Variants in CAST observed in about 807,000 individuals in gnomAD.
CAST encodes calpastatin, also known as MIR583 host.
In CAST, 76 loss-of-function variants were observed where a neutral mutation model predicts 119.6. The observed-to-expected ratio is 0.64, with a 90% CI of 0.53 to 0.77. The LOEUF is 0.77. CAST is among the 30% of genes least tolerant of loss of function. The pLI is 0.00. For missense variants in CAST, 953 were observed against 946.5 expected (o/e 1.01, Z -0.09); for synonymous variants, 319 against 331.6 (o/e 0.96, Z 0.41).
At position 96,757,307 on chromosome 5, in the gene CAST, C is replaced by T. The variant is rs2290676; in HGVS notation, c.1711-137C>T. ...GAGCATATTCTCTGGTGAGAGAATC[C>T]TTCGTGACATGATGGATCTAATTTA... On this transcript the variant is annotated intron_variant, in intron 22 of 31. Coordinates refer to ENST00000675179, the MANE Select transcript of CAST (RefSeq NM_001750.7). 63,355 of 820,610 alleles carry T rather than the reference C, an allele frequency of 0.077. 2,997 individuals carry two copies. The highest frequency in any genetic ancestry group is 0.15 in the African/African-American group (8,819 of 58,322). 50.8% of individuals were successfully genotyped at this position (820,610 alleles called of 1,614,324 possible). A position where few individuals can be genotyped will look rare whatever the true frequency, so the allele number is the denominator to read the frequency against.
At chr5:96,669,474 A>G (rs1749783392) in intron 1 of CAST, among the ~76,000 whole-genome samples, 1 of 152,286 alleles carries the variant, frequency 6.6e-6, no homozygotes, top group East Asian at 1.9e-4. Flanking sequence ...CACATCTAGG[A>G]AAAAAAGGAT....
At chr5:96,109,400 A>T in the CAST span, among the ~76,000 whole-genome samples, 1 of 152,210 alleles carries the variant, frequency 6.6e-6, no homozygotes, top group Non-Finnish European at 1.5e-5. Context: ...TCCAAAACCA[A>T]ATTGTGTAAT....
At chr5:96,602,316 T>C (rs550586848) in intron 1 of CAST, among the ~76,000 whole-genome samples, 3 of 152,350 alleles carry the variant, frequency 2.0e-5, no homozygotes, top group Admixed American at 2.0e-4. Flanking sequence ...ACATTTCTAC[T>C]ATGTGCTGGT....
chr5:96,584,271 G>C (rs922100330), intron 1 of CAST, among the ~76,000 whole-genome samples: 2 of 152,170 alleles, frequency 1.3e-5, no homozygotes, highest in Non-Finnish European at 2.9e-5. Flanking sequence ...ACCTAACGCC[G>C]ATGATGATCT....
chr5:96,213,347 T>C, the CAST span: 1 of 152,220 alleles, frequency 6.6e-6, no homozygotes, highest in Admixed American at 6.5e-5. Flanking sequence ...GTCATGTTTT[T>C]AATATGTTCT....
chr5:96,254,235 C>T, the CAST span, among the ~76,000 whole-genome samples: 1 of 152,058 alleles, frequency 6.6e-6, no homozygotes, highest in African/African-American at 2.4e-5. Context: ...CTGACCTACT[C>T]CTCTTACTTT....
chr5:96,459,103 A>G, the CAST span, among the ~76,000 whole-genome samples: 2 of 152,270 alleles, frequency 1.3e-5, no homozygotes, highest in East Asian at 3.9e-4. Context: ...TTGTCCCCAG[A>G]TCGAGCAATA....
chr5:96,453,985 C>T, the CAST span, among the ~76,000 whole-genome samples: 13 of 152,276 alleles, frequency 8.5e-5, no homozygotes, highest in South Asian at 8.3e-4. Context: ...GGTTCTACTG[C>T]GCAGAATTTT....
the CAST span, among the ~76,000 whole-genome samples, chr5:96,380,904 T>C: frequency 5.1e-4 from 77 of 152,264 alleles, 1 homozygote; most frequent in Middle Eastern, 0.01. Context: ...GATAGACCAA[T>C]AGATTTTAAT....
intron 1 of CAST, among the ~76,000 whole-genome samples, chr5:96,654,465 A>C (rs1309855347): frequency 6.6e-6 from 1 of 152,232 alleles, no homozygotes; most frequent in African/African-American, 2.4e-5. Context: ...TGTAGTGTGC[A>C]TAGCTACTGT....
Position 96,681,302 on chromosome 5 carries a change from A to G in CAST, c.138+5701A>G, listed in dbSNP as rs185412103. On this transcript the variant is annotated intron_variant, in intron 2 of 31. Transcript: ENST00000675179. ...ACAGTTTTGTTCCTCAAAATTCTGT[A>G]TCTATTGCTTCGTGGTTTTCTGGCT... Among the ~76,000 whole-genome samples the G allele has an allele frequency of 1.4e-4, 21 of 152,202 alleles. No individual in the cohort carries two copies. The East Asian group carries it at 1.5e-3, about 11-fold the overall frequency.
chr5:96,381,603 AAC>A, the CAST span, among the ~76,000 whole-genome samples: 9 of 152,202 alleles, frequency 5.9e-5, no homozygotes, highest in Non-Finnish European at 5.9e-5. Flanking sequence ...CAAAAAGAAA[AAC>A]ACAGCTTTCA....
chr5:96,168,508 A>G, the CAST span, among the ~76,000 whole-genome samples: 2 of 152,180 alleles, frequency 1.3e-5, no homozygotes, highest in Non-Finnish European at 2.9e-5. Flanking sequence ...AGTTGAGGCA[A>G]TGAGTTCAGC....
the CAST span, among the ~76,000 whole-genome samples, chr5:96,495,861 T>G: frequency 6.6e-6 from 1 of 152,224 alleles, no homozygotes; most frequent in African/African-American, 2.4e-5. Flanking sequence ...TTAAAATAAT[T>G]GCTACAGATC....
At chr5:96,176,811 G>T in the CAST span, among the ~76,000 whole-genome samples, 1 of 152,142 alleles carries the variant, frequency 6.6e-6, no homozygotes, top group South Asian at 2.1e-4. Flanking sequence ...TAAATTGGTA[G>T]TGAGGCTGCT....
chr5:96,575,340 C>A (rs1175100155), intron 1 of CAST, among the ~76,000 whole-genome samples: 1 of 152,022 alleles, frequency 6.6e-6, no homozygotes, highest in Non-Finnish European at 1.5e-5. Context: ...ACAACCATAT[C>A]CTCTGCAAAC....
chr5:96,594,625 C>T (rs189294180), intron 1 of CAST, among the ~76,000 whole-genome samples: 84 of 152,296 alleles, frequency 5.5e-4, no homozygotes, highest in Admixed American at 1.2e-3. Flanking sequence ...AGATAACCTA[C>T]AGAAAACAAA....
At chr5:96,025,431 A>G in the CAST span, among the ~76,000 whole-genome samples, 2 of 152,138 alleles carry the variant, frequency 1.3e-5, no homozygotes, top group African/African-American at 4.8e-5. Context: ...TCCACCCCCA[A>G]TACCATCACA....
the CAST span, among the ~76,000 whole-genome samples, chr5:96,395,950 A>T: frequency 6.6e-6 from 1 of 152,244 alleles, no homozygotes. Flanking sequence ...AAATATCTTT[A>T]AAAATTTAGA....
Sources: allele counts gnomAD v4.1 joint callset (sites outside exome capture counted in the v4.1 genomes callset), GRCh38; gene constraint gnomAD v4.1.1; transcripts MANE v1.5; gene names NCBI Gene and HGNC (gene_info 2026-07-23, HGNC 2026-07-21).